MCIDAS: variants seen among roughly 807,000 people sequenced by gnomAD.
The protein encoded by MCIDAS is multiciliate differentiation and DNA synthesis associated cell cycle protein, also known as multicilin.
Under a neutral mutation model 35.4 loss-of-function variants are expected in MCIDAS, and 23 were observed. The observed-to-expected ratio is 0.65, with a 90% confidence interval of 0.47 to 0.92. The LOEUF (loss-of-function observed/expected upper bound fraction) is 0.92. MCIDAS is among the 40% of genes least tolerant of loss of function. MCIDAS has a pLI of 0.00. For synonymous variants in MCIDAS, 228 were observed against 235.2 expected (o/e 0.97, Z 0.28); for missense variants, 480 against 531.8 (o/e 0.90, Z 0.96).
intron 3 of MCIDAS, 26 bp downstream of exon 3, chr5:55,226,550 C>A: frequency 1.3e-6 from 2 of 1,525,820 alleles, no homozygotes; most frequent in Non-Finnish European, 1.8e-6. Flanking sequence ...CGTGAAACCA[C>A]GAGGCTCCAC....
rs1051677967 is a variant in MCIDAS, at chr5:55,222,969, C to G, written c.364G>C (p.Val122Leu). The stretch of plus-strand genomic sequence containing the variant: ...CACTTGCCTGAAATGAGATCATCCA[C>G]CGTGTCTCTGAAATCTTGCAGATTG... ...DFNLQDFRDTVDDLISDSSSM... is the reference protein window; with the variant it reads ...DFNLQDFRDTLDDLISDSSSM... Residue 122 changes from valine to leucine, a missense_variant, in exon 4 of 7, where the codon GTG becomes CTG. By Grantham distance (32) the Val-to-Leu change is conservative (BLOSUM62 1). Coordinates refer to ENST00000513312, the MANE Select transcript of MCIDAS (RefSeq NM_001190787.3). The G allele has an allele frequency of 6.5e-6, 10 of 1,536,094 alleles. No individual in the cohort carries two copies. The Admixed American group carries it at 2.0e-4, about 30-fold the overall frequency.
At position 55,221,165 on chromosome 5, in the gene MCIDAS, T is replaced by C. The variant is rs1285425543; in HGVS notation, c.607-39A>G. On this transcript the variant is annotated intron_variant, in intron 5 of 6. Transcript: ENST00000513312. ...CCCAAACATTCAGGGGTAGGTACTG[T>C]GCTGGGTCTCGTCTGCATATCTGGC... 11 of 1,450,540 alleles carry C rather than the reference T, an allele frequency of 7.6e-6. No individual in the cohort carries two copies. The Admixed American group carries it at 2.2e-4, about 29-fold the overall frequency. 89.9% of individuals were successfully genotyped at this position (1,450,540 alleles called of 1,614,324 possible).
Position 55,220,252 on chromosome 5 carries a change from T to G in MCIDAS, c.*114A>C. On this transcript the variant is annotated 3_prime_UTR_variant, in exon 7 of 7. Transcript: ENST00000513312. ...ACAATGCATCGGTATCAAGATGCTT[T>G]TGTTCCTGAAAAAGTGTTTCAGGGT... is the stretch of plus-strand genomic sequence containing the variant. The G allele has an allele frequency of 9.9e-7, 1 of 1,008,690 alleles. No homozygotes were observed. Among genetic ancestry groups the G allele is most frequent in the Non-Finnish European group, 1.4e-6 (1 of 709,452 alleles). 62.5% of individuals were successfully genotyped at this position (1,008,690 alleles called of 1,614,324 possible).
rs1275664217 is a variant in MCIDAS, at chr5:55,221,068, A to T, written c.665T>A (p.Val222Glu). The T allele has an allele frequency of 5.9e-6, 9 of 1,535,944 alleles. No homozygotes were observed. Among genetic ancestry groups the T allele is most frequent in the Non-Finnish European group, 7.8e-6 (9 of 1,146,890 alleles). The change falls in exon 6 of 7, where the codon GTG (valine) becomes GAG (glutamate). Residue 222 changes from valine to glutamate, a missense_variant. Coordinates refer to ENST00000513312, the MANE Select transcript of MCIDAS (RefSeq NM_001190787.3). ...EEIASLKERN[V>E]QLKELASRTR... ...TCGGCTGGCGAGTTCCTTCAGCTGCACGTTCCGCTCCTTGAGCGAGGCGAT... is the reference window on the plus strand; with the variant it reads ...TCGGCTGGCGAGTTCCTTCAGCTGCTCGTTCCGCTCCTTGAGCGAGGCGAT...
chr5:55,225,366 G>C (rs888913707), intron 3 of MCIDAS, among the ~76,000 whole-genome samples: 6 of 152,222 alleles, frequency 3.9e-5, no homozygotes, highest in Non-Finnish European at 7.3e-5. Context: ...CATCCAATGA[G>C]AGCTGCTTGG....
chr5:55,221,268 A>C, intron 5 of MCIDAS, 142 bp from the exon 6 acceptor site: 1 of 506,360 alleles, frequency 2.0e-6, no homozygotes, highest in Non-Finnish European at 3.3e-6. Context: ...AATAATAATC[A>C]ATTTACTTTT....
rs1745396872 is a variant in MCIDAS, at chr5:55,223,335, G to A, written c.310-312C>T. Among the ~76,000 whole-genome samples the A allele has an allele frequency of 6.6e-6, 1 of 152,150 alleles. No homozygotes were observed. The highest frequency in any genetic ancestry group is 6.5e-5 in the Admixed American group (1 of 15,276). ...CCCAGCAGGCTTGCACTGCCACGGTGGGGAGCGGGACGCACGGAGCACGAC... is the reference window on the plus strand; with the variant it reads ...CCCAGCAGGCTTGCACTGCCACGGTAGGGAGCGGGACGCACGGAGCACGAC... On this transcript the variant is annotated intron_variant, in intron 3 of 6. Transcript: ENST00000513312. This position sits in a 1 kb window ranked among gnomAD's most constrained non-coding sequence, Gnocchi z 4.4.
At chr5:55,225,142 A>G (rs1745434335) in intron 3 of MCIDAS, among the ~76,000 whole-genome samples, 1 of 152,192 alleles carries the variant, frequency 6.6e-6, no homozygotes, top group South Asian at 2.1e-4. Flanking sequence ...TGGGAGGTCC[A>G]GGTTGCAGTG....
chr5:55,221,080 T>G lies in MCIDAS; in HGVS notation c.653A>C (p.Lys218Thr). 7.8e-6 allele frequency: 12 copies of G among 1,536,148 alleles called. No homozygotes were observed. The highest frequency in any genetic ancestry group is 2.4e-5 in the East Asian group (1 of 40,908). Reference protein sequence around the residue: ...TQKQEEIASLKERNVQLKELA... With the variant: ...TQKQEEIASLTERNVQLKELA... ...TTCCTTCAGCTGCACGTTCCGCTCC[T>G]TGAGCGAGGCGATCTCCTCCTGTTT... Residue 218 changes from lysine to threonine, a missense_variant, in exon 6 of 7, where the codon AAG becomes ACG. Coordinates refer to ENST00000513312, the MANE Select transcript of MCIDAS (RefSeq NM_001190787.3).
chr5:55,223,121 G>C lies in MCIDAS; in HGVS notation c.310-98C>G. 1 of 925,024 alleles carries C rather than the reference G, an allele frequency of 1.1e-6. No homozygotes were observed. Among genetic ancestry groups the C allele is most frequent in the Non-Finnish European group, 1.7e-6 (1 of 597,798 alleles). 57.3% of individuals were successfully genotyped at this position (925,024 alleles called of 1,614,324 possible). On this transcript the variant is annotated intron_variant, in intron 3 of 6. Coordinates refer to ENST00000513312, the MANE Select transcript of MCIDAS (RefSeq NM_001190787.3). This position sits in a 1 kb window ranked among gnomAD's most constrained non-coding sequence, Gnocchi z 4.4. ...CTGTTAAAAATCTGGCAGGCACTAT[G>C]CAATATATGCACGTAACACAACTGC... is the stretch of plus-strand genomic sequence containing the variant.
chr5:55,222,411 C>G lies in MCIDAS; in HGVS notation c.383-12G>C. The G allele has an allele frequency of 6.8e-7, 1 of 1,463,546 alleles. No homozygotes were observed. Among genetic ancestry groups the G allele is most frequent in the South Asian group, 1.4e-5 (1 of 72,636 alleles). The allele number at this position is 1,463,546 out of a possible 1,614,324, so 90.7% of individuals were successfully genotyped here. A position where few individuals can be genotyped will look rare whatever the true frequency, so the allele number is the denominator to read the frequency against. On this transcript the variant is annotated splice_polypyrimidine_tract_variant and intron_variant, in intron 4 of 6. Coordinates refer to ENST00000513312, the MANE Select transcript of MCIDAS (RefSeq NM_001190787.3). Reference sequence around the variant, plus strand: ...CATAGAGGATGAGTCTGGAGAAGAGCAGGAGCTGGATTTGCAGCCTCAAAT... The same window carrying G: ...CATAGAGGATGAGTCTGGAGAAGAGGAGGAGCTGGATTTGCAGCCTCAAAT...
intron 5 of MCIDAS, 128 bp downstream of exon 5, chr5:55,222,048 C>G: frequency 2.5e-6 from 2 of 792,884 alleles, no homozygotes; most frequent in Non-Finnish European, 3.9e-6. Context: ...ATGGCAGCTA[C>G]GTGAACCACC....
Position 55,223,070 on chromosome 5 carries a change from A to C in MCIDAS, c.310-47T>G. On this transcript the variant is annotated intron_variant, in intron 3 of 6. Coordinates refer to ENST00000513312, the MANE Select transcript of MCIDAS (RefSeq NM_001190787.3). The surrounding 1 kb of genome is among the most constrained non-coding windows in gnomAD (Gnocchi z 4.4). ...CACTGGTTAACGAGTCTGGCGTTAG[A>C]AAGCCTTCAATAAATATTGGCGTCC... 2 of 1,458,236 alleles carry C rather than the reference A, an allele frequency of 1.4e-6. No individual in the cohort carries two copies. Among genetic ancestry groups the C allele is most frequent in the Non-Finnish European group, 1.9e-6 (2 of 1,076,620 alleles). 90.3% of individuals were successfully genotyped at this position (1,458,236 alleles called of 1,614,324 possible). A position where few individuals can be genotyped will look rare whatever the true frequency, so the allele number is the denominator to read the frequency against.
intron 1 of MCIDAS, 35 bp from the exon 2 acceptor site, chr5:55,226,966 C>T: frequency 6.7e-7 from 1 of 1,499,700 alleles, no homozygotes; most frequent in African/African-American, 1.4e-5. Context: ...CGCGGGTCAG[C>T]CCTCGGGGCA....
rs1745405951 is a variant in MCIDAS, at chr5:55,223,721, CA to C, written c.310-699del. Among the ~76,000 whole-genome samples the C allele has an allele frequency of 1.3e-5, 2 of 152,202 alleles. No individual in the cohort carries two copies. Among genetic ancestry groups the C allele is most frequent in the Non-Finnish European group, 2.9e-5 (2 of 68,036 alleles). On this transcript the variant is annotated intron_variant, in intron 3 of 6. Coordinates refer to ENST00000513312, the MANE Select transcript of MCIDAS (RefSeq NM_001190787.3). The surrounding 1 kb of genome is among the most constrained non-coding windows in gnomAD (Gnocchi z 4.4). ...GCCCCAGCTAACCGCCCCACCCATG[CA>C]ACCGAGCGGGAAGAAAGCTGTGATT...
At chr5:55,221,214 G>A (rs1416030539) in intron 5 of MCIDAS, 88 bp from the exon 6 acceptor site, 1 of 830,362 alleles carries the variant, frequency 1.2e-6, no homozygotes, top group Non-Finnish European at 1.9e-6. Context: ...AGATCCTGAC[G>A]TCTCATCAGG....
Position 55,221,628 on chromosome 5 carries a change from T to A in MCIDAS, c.607-502A>T, listed in dbSNP as rs1034948930. Among the ~76,000 whole-genome samples, 5 of 152,250 alleles carry A rather than the reference T, an allele frequency of 3.3e-5. No homozygotes were observed. In the East Asian group the frequency reaches 5.8e-4, roughly 18 times the overall value. On this transcript the variant is annotated intron_variant, in intron 5 of 6. Coordinates refer to ENST00000513312, the MANE Select transcript of MCIDAS (RefSeq NM_001190787.3). The stretch of plus-strand genomic sequence containing the variant: ...AAATCCCCCCAAATAAAACTATTTT[T>A]AAAAATAAATAAAATGGCCAGGTGC...
chr5:55,226,408 T>C (rs891933692), intron 3 of MCIDAS, among the ~76,000 whole-genome samples, 168 bp downstream of exon 3: 2 of 152,120 alleles, frequency 1.3e-5, no homozygotes, highest in Admixed American at 6.6e-5. Flanking sequence ...AGGATGCAAG[T>C]AGAAGTTCTG....
intron 3 of MCIDAS, 94 bp downstream of exon 3, chr5:55,226,482 G>C (rs954162703): frequency 3.9e-6 from 5 of 1,296,260 alleles, no homozygotes; most frequent in Middle Eastern, 1.9e-4. Context: ...CTGCGCTCCC[G>C]ACCCGAGAGG....
Sources: gnomAD v4.1 joint callset for allele counts (sites outside exome capture counted in the v4.1 genomes callset) on GRCh38, gnomAD v4.1.1 for gene constraint, Gnocchi (gnomAD v3.1) non-coding constraint, MANE v1.5 for transcripts, NCBI Gene and HGNC (gene_info 2026-07-23, HGNC 2026-07-21) for gene names.